The following POU6F2 variants were observed in gnomAD, a reference collection of about 807,000 sequenced individuals.
POU6F2 encodes the protein POU class 6 homeobox 2, also known as POU domain, class 6, transcription factor 2.
POU6F2 carries 31 observed loss-of-function variants against 71.3 expected under a neutral mutation model. That is an observed-to-expected ratio of 0.43 (90% confidence interval 0.33 to 0.59). The LOEUF is 0.59. Ranked by LOEUF, POU6F2 falls within the 20% of genes least tolerant of loss-of-function variation. POU6F2 has a pLI of 0.04. For missense variants in POU6F2, 783 were observed against 856.8 expected, an observed-to-expected ratio of 0.91 and a Z score of 1.07; for synonymous variants, 347 against 355.7, an observed-to-expected ratio of 0.98 and a Z score of 0.27.
At chr7:39,124,255 C>G (rs1368041977) in intron 2 of POU6F2, among the ~76,000 whole-genome samples, 1 of 152,118 alleles carries the variant, frequency 6.6e-6, no homozygotes, top group Admixed American at 6.5e-5. Context: ...CCATGTTGGT[C>G]AAGCTGGTCT....
chr7:39,292,037 GA>G (rs5883684), intron 4 of POU6F2, among the ~76,000 whole-genome samples: 69,261 of 150,684 alleles, frequency 0.46, 16,678 homozygotes, highest in Admixed American at 0.59. Context: ...TCAGAAGGGG[GA>G]AAAAAACTGA....
chr7:39,147,988 A>C (rs1481422364), intron 2 of POU6F2, among the ~76,000 whole-genome samples: 5 of 152,226 alleles, frequency 3.3e-5, no homozygotes, highest in Non-Finnish European at 5.9e-5. Context: ...CAAAGGAGGC[A>C]TCACTTCTTT....
intron 2 of POU6F2, among the ~76,000 whole-genome samples, chr7:39,182,263 C>G (rs1204563898): frequency 6.6e-6 from 1 of 152,162 alleles, no homozygotes; most frequent in Non-Finnish European, 1.5e-5. Flanking sequence ...TTTTACTATT[C>G]TATGTTTTGT....
intron 4 of POU6F2, among the ~76,000 whole-genome samples, chr7:39,212,233 C>T (rs1794155172): frequency 6.6e-6 from 1 of 152,132 alleles, no homozygotes; most frequent in African/African-American, 2.4e-5. Context: ...ACAAGCTGAG[C>T]CTCTCTCATC....
At chr7:39,115,849 T>G (rs746019458) in intron 2 of POU6F2, among the ~76,000 whole-genome samples, 3 of 152,184 alleles carry the variant, frequency 2.0e-5, no homozygotes, top group Non-Finnish European at 2.9e-5. Context: ...TATAGTATAC[T>G]TATGTAGCTC....
chr7:39,199,489 AT>A (rs111962370), intron 2 of POU6F2, among the ~76,000 whole-genome samples: 1 of 151,252 alleles, frequency 6.6e-6, no homozygotes, highest in Non-Finnish European at 1.5e-5. Flanking sequence ...TGTTGTACCA[AT>A]TTTTTTTTAA....
chr7:39,375,233 A>G (rs1786688312), intron 5 of POU6F2, among the ~76,000 whole-genome samples: 1 of 152,218 alleles, frequency 6.6e-6, no homozygotes, highest in Non-Finnish European at 1.5e-5. Flanking sequence ...CTGTTGCACC[A>G]TATGACCCGG....
intron 2 of POU6F2, among the ~76,000 whole-genome samples, chr7:39,087,851 C>A (rs980302205): frequency 3.9e-5 from 6 of 152,102 alleles, no homozygotes; most frequent in African/African-American, 1.4e-4. Context: ...TTTAGGGTTC[C>A]CAGTGTTGAA....
At chr7:39,421,559 A>G (rs913343402) in intron 6 of POU6F2, among the ~76,000 whole-genome samples, 1 of 152,182 alleles carries the variant, frequency 6.6e-6, no homozygotes, top group African/African-American at 2.4e-5. Context: ...GAGTATAAAC[A>G]CAGCACAAAG....
At chr7:39,373,731 C>G in intron 5 of POU6F2, 1 of 328,350 alleles carries the variant, frequency 3.0e-6, no homozygotes, top group Non-Finnish European at 6.0e-6. Context: ...CTATGTTCAT[C>G]ATGTTGAATT....
At chr7:39,111,698 A>G (rs1451022555) in intron 2 of POU6F2, among the ~76,000 whole-genome samples, 1 of 152,204 alleles carries the variant, frequency 6.6e-6, no homozygotes, top group Non-Finnish European at 1.5e-5. Flanking sequence ...CAGTTTGGAC[A>G]GTGGAGAACT....
chr7:39,339,637 T>G lies in POU6F2; in HGVS notation c.599-5T>G, dbSNP rs1028966891. 7 of 1,579,904 alleles carry G rather than the reference T, an allele frequency of 4.4e-6. No homozygotes were observed. Among genetic ancestry groups the G allele is most frequent in the African/African-American group, 1.3e-5 (1 of 74,636 alleles). On this transcript the variant is annotated splice_region_variant and splice_polypyrimidine_tract_variant and intron_variant, in intron 4 of 9. Coordinates refer to ENST00000518318, the MANE Select transcript of POU6F2 (RefSeq NM_001370959.1). Reference sequence around the variant, plus strand: ...TCACTCCACATTCGCTTTCTCTCCTTGTAGCTACCTCATCCCTGAACTCCC... The same window carrying G: ...TCACTCCACATTCGCTTTCTCTCCTGGTAGCTACCTCATCCCTGAACTCCC...
intron 5 of POU6F2, among the ~76,000 whole-genome samples, chr7:39,393,509 C>T (rs554766087): frequency 6.6e-5 from 10 of 152,090 alleles, no homozygotes; most frequent in Non-Finnish European, 1.3e-4. Context: ...TGTGACATGA[C>T]CAGAAATGGC....
chr7:39,007,000 T>C, intron 1 of POU6F2: 1 of 818,154 alleles, frequency 1.2e-6, no homozygotes, highest in South Asian at 1.6e-5. Flanking sequence ...GATTCCCTTA[T>C]GCTCTGATGT....
intron 4 of POU6F2, among the ~76,000 whole-genome samples, chr7:39,281,852 A>T (rs922340070): frequency 1.3e-5 from 2 of 152,100 alleles, no homozygotes; most frequent in Non-Finnish European, 2.9e-5. Flanking sequence ...TGGTAGTGCT[A>T]TTTTTAATTT....
intron 2 of POU6F2, among the ~76,000 whole-genome samples, chr7:39,095,525 C>T (rs1584539731): frequency 6.6e-6 from 1 of 152,322 alleles, no homozygotes; most frequent in East Asian, 1.9e-4. Flanking sequence ...CACGTCTTGT[C>T]ATCTGTAGAG....
At chr7:39,153,306 G>T (rs1792798291) in intron 2 of POU6F2, among the ~76,000 whole-genome samples, 1 of 152,114 alleles carries the variant, frequency 6.6e-6, no homozygotes, top group African/African-American at 2.4e-5. Context: ...TATTTGAACT[G>T]ATGTGGCATT....
At chr7:39,129,699 C>T (rs981737417) in intron 2 of POU6F2, among the ~76,000 whole-genome samples, 17 of 151,770 alleles carry the variant, frequency 1.1e-4, no homozygotes, top group African/African-American at 3.6e-4. Context: ...CATTTTTTAA[C>T]ACAATTTGAA....
At chr7:39,093,121 G>C (rs1791388552) in intron 2 of POU6F2, among the ~76,000 whole-genome samples, 1 of 151,918 alleles carries the variant, frequency 6.6e-6, no homozygotes, top group Non-Finnish European at 1.5e-5. Flanking sequence ...TATGTAACAA[G>C]AATATATTGT....
Sources: gnomAD v4.1 joint callset for allele counts (sites outside exome capture counted in the v4.1 genomes callset) on GRCh38, gnomAD v4.1.1 for gene constraint, MANE v1.5 for transcripts, NCBI Gene and HGNC (gene_info 2026-07-23, HGNC 2026-07-21) for gene names.